The following PCDHGB1 variants were observed in gnomAD, a reference collection of about 807,000 sequenced individuals.
PCDHGB1 encodes protocadherin gamma-B1.
In PCDHGB1, 34 loss-of-function variants were observed where a neutral mutation model predicts 56.6. The observed-to-expected ratio is 0.60, with a 90% CI of 0.46 to 0.80. PCDHGB1 has a LOEUF of 0.80. Among genes scored for constraint, PCDHGB1 ranks in the 30% least tolerant of loss-of-function variants. The pLI is 0.00. For missense variants in PCDHGB1, 1,278 were observed against 1,204.6 expected (o/e 1.06, Z -0.90); for synonymous variants, 561 against 505.9 (o/e 1.11, Z -1.46).
At chr5:141,420,406 T>C (rs2096494414) in intron 1 of PCDHGB1, 1 of 1,241,672 alleles carries the variant, frequency 8.1e-7, no homozygotes, top group Non-Finnish European at 1.1e-6. Context: ...AATTTATGGT[T>C]ATCATTATTA....
rs762314174 is a variant in PCDHGB1, at chr5:141,404,905, GCC to G, written c.2409+52240_2409+52241del. The G allele has an allele frequency of 1.9e-6, 3 of 1,613,910 alleles. No homozygotes were observed. In the South Asian group the frequency reaches 3.3e-5, roughly 18 times the overall value. On this transcript the variant is annotated intron_variant, in intron 1 of 3. Coordinates refer to ENST00000523390, the MANE Select transcript of PCDHGB1 (RefSeq NM_018922.3). ...TGGTGGCTGTACAGGACCATGGCCA[GCC>G]CCCTCTCTCGGCCACTGTCACGCTC...
intron 1 of PCDHGB1, chr5:141,409,449 C>A (rs1317609642): frequency 6.2e-7 from 1 of 1,613,934 alleles, no homozygotes; most frequent in South Asian, 1.1e-5. Flanking sequence ...GAGCAGACAC[C>A]AGAATACAAT....
At chr5:141,440,280 A>G (rs1389627767) in intron 1 of PCDHGB1, 1 of 152,220 alleles carries the variant, frequency 6.6e-6, no homozygotes, top group East Asian at 1.9e-4. Context: ...CAGCCTGACC[A>G]ACATAGTGAA....
intron 1 of PCDHGB1, among the ~76,000 whole-genome samples, chr5:141,353,287 T>A (rs747205699): frequency 1.3e-5 from 2 of 152,228 alleles, no homozygotes; most frequent in Non-Finnish European, 2.9e-5. Context: ...GTCATTTTAT[T>A]CTTAGCTCTT....
At chr5:141,365,918 T>C (rs773521729) in intron 1 of PCDHGB1, 8 of 1,613,992 alleles carry the variant, frequency 5.0e-6, no homozygotes, top group Non-Finnish European at 6.8e-6. Flanking sequence ...AGACCTACAG[T>C]TGTGGGTGAC....
intron 1 of PCDHGB1, among the ~76,000 whole-genome samples, chr5:141,456,006 T>C (rs909931677): frequency 6.6e-6 from 1 of 151,852 alleles, no homozygotes; most frequent in Non-Finnish European, 1.5e-5. Flanking sequence ...CATGCCATTC[T>C]CCTGCCTCAG....
intron 1 of PCDHGB1, among the ~76,000 whole-genome samples, chr5:141,470,256 A>G (rs1043528709): frequency 6.6e-6 from 1 of 152,228 alleles, no homozygotes; most frequent in African/African-American, 2.4e-5. Flanking sequence ...ACCTGTCTAA[A>G]TGGAGATACA....
chr5:141,496,103 C>G (rs779317844), intron 2 of PCDHGB1, among the ~76,000 whole-genome samples: 1 of 152,100 alleles, frequency 6.6e-6, no homozygotes, highest in Non-Finnish European at 1.5e-5. Flanking sequence ...ACCAACACCC[C>G]GCTCTCTTCC....
In PCDHGB1 at chr5:141,432,700, G is replaced by C. The variant is rs1320099367; in HGVS notation, c.2410-62107G>C. 4 of 1,613,980 alleles carry C rather than the reference G, an allele frequency of 2.5e-6. No individual in the cohort carries two copies. In the Admixed American group the frequency reaches 6.7e-5, roughly 27 times the overall value. ...AGCAGAGCCTCGTAGTGGCCGTCCA[G>C]GACCACGGCCAGCCCCCTCTCTCCG... On this transcript the variant is annotated intron_variant, in intron 1 of 3. Coordinates refer to ENST00000523390, the MANE Select transcript of PCDHGB1 (RefSeq NM_018922.3). The surrounding 1 kb of genome is among the most constrained non-coding windows in gnomAD (Gnocchi z 6.0).
chr5:141,383,930 C>T lies in PCDHGB1; in HGVS notation c.2409+31261C>T. 7 of 1,613,800 alleles carry T rather than the reference C, an allele frequency of 4.3e-6. No homozygotes were observed. Among genetic ancestry groups the T allele is most frequent in the Non-Finnish European group, 5.9e-6 (7 of 1,179,786 alleles). ...ACAGTTTTAGATGTAAATGATAATG[C>T]TCCAGAAGTGACTATGACGTCTTTA... On this transcript the variant is annotated intron_variant, in intron 1 of 3. Coordinates refer to ENST00000523390, the MANE Select transcript of PCDHGB1 (RefSeq NM_018922.3).
chr5:141,404,348 G>T lies in PCDHGB1; in HGVS notation c.2409+51679G>T, dbSNP rs370966293. 60 of 1,613,640 alleles carry T rather than the reference G, an allele frequency of 3.7e-5. No individual in the cohort carries two copies. The highest frequency in any genetic ancestry group is 4.9e-5 in the Non-Finnish European group (58 of 1,179,784). ...CTCAGTCTACCTCCCGGAAAACAAC[G>T]CCAGAGGTACTTCCATCTTCTCCGT... On this transcript the variant is annotated intron_variant, in intron 1 of 3. Coordinates refer to ENST00000523390, the MANE Select transcript of PCDHGB1 (RefSeq NM_018922.3).
At chr5:141,393,154 G>GA in intron 1 of PCDHGB1, 1 of 1,613,294 alleles carries the variant, frequency 6.2e-7, no homozygotes, top group Non-Finnish European at 8.5e-7. Flanking sequence ...GAGGATAAAG[G>GA]AAAACTCTTT....
chr5:141,491,580 G>A lies in PCDHGB1; in HGVS notation c.2410-3227G>A. 6.2e-7 allele frequency: 1 copy of A among 1,613,942 alleles called. No individual in the cohort carries two copies. Among genetic ancestry groups the A allele is most frequent in the Non-Finnish European group, 8.5e-7 (1 of 1,180,044 alleles). ...ACTGCTACAGGACGTGCTTTTCACC[G>A]GCCTCGGACGGCAGTGACTTCACTT... is the stretch of plus-strand genomic sequence containing the variant. On this transcript the variant is annotated intron_variant, in intron 1 of 3. Coordinates refer to ENST00000523390, the MANE Select transcript of PCDHGB1 (RefSeq NM_018922.3). The surrounding 1 kb of genome is among the most constrained non-coding windows in gnomAD (Gnocchi z 6.9).
intron 1 of PCDHGB1, among the ~76,000 whole-genome samples, chr5:141,456,679 T>C (rs1357662868): frequency 2.0e-5 from 3 of 152,104 alleles, no homozygotes; most frequent in Non-Finnish European, 2.9e-5. Flanking sequence ...AAAAATGCAT[T>C]ACTGGCCAGG....
intron 1 of PCDHGB1, chr5:141,403,168 G>A: frequency 1.2e-6 from 2 of 1,614,032 alleles, no homozygotes; most frequent in African/African-American, 1.3e-5. Context: ...GAGGTAGGAC[G>A]CAGCTTTTCT....
intron 1 of PCDHGB1, chr5:141,423,330 C>G (rs932335651): frequency 9.9e-6 from 16 of 1,614,056 alleles, no homozygotes; most frequent in Middle Eastern, 1.6e-4. Flanking sequence ...TGGCCGCAGT[C>G]TCCTGCATCT....
intron 1 of PCDHGB1, chr5:141,403,849 G>C (rs1422192604): frequency 6.2e-7 from 1 of 1,613,560 alleles, no homozygotes; most frequent in South Asian, 1.1e-5. Context: ...AAAATACTGG[G>C]GAAATATCAA....
At chr5:141,355,282 G>T in intron 1 of PCDHGB1, 1 of 1,613,774 alleles carries the variant, frequency 6.2e-7, no homozygotes, top group East Asian at 2.2e-5. Context: ...GGAAATCAGG[G>T]CCGAACAGAT....
chr5:141,366,360 G>T, intron 1 of PCDHGB1: 1 of 1,614,024 alleles, frequency 6.2e-7, no homozygotes. Context: ...GACCTAGGCA[G>T]TATCAAGACC....
Sources: allele counts gnomAD v4.1 joint callset (sites outside exome capture counted in the v4.1 genomes callset), GRCh38; gene constraint gnomAD v4.1.1; non-coding constraint Gnocchi (gnomAD v3.1); transcripts MANE v1.5; gene names NCBI Gene and HGNC (gene_info 2026-07-23, HGNC 2026-07-21).